Variants in DGKH observed in about 807,000 individuals in gnomAD.
DGKH encodes the protein diacylglycerol kinase eta.
DGKH carries 90 observed loss-of-function variants against 159.3 expected under a neutral mutation model. The observed-to-expected ratio is 0.57, with a 90% CI of 0.48 to 0.67. The LOEUF (loss-of-function observed/expected upper bound fraction) is 0.67. Among genes scored for constraint, DGKH ranks in the 30% least tolerant of loss-of-function variants. The probability of loss-of-function intolerance (pLI) is 0.00; values close to 1 mark genes in which losing one functional copy is unlikely to be tolerated. For synonymous variants in DGKH, 536 were observed against 553.8 expected (o/e 0.97, Z 0.45); for missense variants, 1,181 against 1,506.1 (o/e 0.78, Z 3.57).
rs145299817 is a variant in DGKH, at chr13:42,088,230, A to T, written c.193-39233A>T. Among the ~76,000 whole-genome samples the T allele has an allele frequency of 7.9e-5, 12 of 152,312 alleles. 1 individual carries two copies. The East Asian group carries it at 2.1e-3, about 27-fold the overall frequency. Reference sequence around the variant, plus strand: ...TTTTGGACAAACAAAAACTGTGAGAATTTATCACCAGGAGACCTTCACTGG... The same window carrying T: ...TTTTGGACAAACAAAAACTGTGAGATTTTATCACCAGGAGACCTTCACTGG... On this transcript the variant is annotated intron_variant, in intron 1 of 29. Transcript: ENST00000337343.
intron 14 of DGKH, among the ~76,000 whole-genome samples, 188 bp downstream of exon 14, chr13:42,187,336 GA>G (rs753914688): frequency 2.0e-5 from 3 of 152,168 alleles, no homozygotes; most frequent in Non-Finnish European, 2.9e-5. Flanking sequence ...TAATATGTAG[GA>G]AAACTGCATT....
intron 20 of DGKH, among the ~76,000 whole-genome samples, chr13:42,202,408 T>C (rs12585914): frequency 0.091 from 13,799 of 152,212 alleles, 711 homozygotes; most frequent in Middle Eastern, 0.12. Context: ...TTTTAGCTTT[T>C]TACTCTTACC....
chr13:42,174,461 A>G (rs1359414650), intron 12 of DGKH, among the ~76,000 whole-genome samples: 1 of 152,106 alleles, frequency 6.6e-6, no homozygotes, highest in East Asian at 1.9e-4. Flanking sequence ...GTAAAGCACT[A>G]TCTCTTCTCC....
rs1476540785 is a variant in DGKH at position 42,251,558 on chromosome 13, C to T, written n.4055-851C>T. ...GTATTGAGTCAAAATGAAAGGAACG[C>T]TTCCAAGCTCTCCTCTGATTTCTCA... On this transcript the variant is annotated intron_variant and non_coding_transcript_variant, in intron 29 of 30. Coordinates refer to the DGKH transcript ENST00000498255. Among the ~76,000 whole-genome samples the T allele has an allele frequency of 2.0e-5, 3 of 152,256 alleles. No homozygotes were observed. The East Asian group carries it at 5.8e-4, about 29-fold the overall frequency.
At position 42,079,158 on chromosome 13, in the gene DGKH, C is replaced by T. The variant is rs910230629; in HGVS notation, c.192+30193C>T. On this transcript the variant is annotated intron_variant, in intron 1 of 29. Coordinates refer to ENST00000337343, the MANE Select transcript of DGKH (RefSeq NM_178009.5). Reference sequence around the variant, plus strand: ...CTTGAACTACTGACCTCAGGTGATCCACCTGCCTCGGTCTCCCAAAGTGCT... The same window carrying T: ...CTTGAACTACTGACCTCAGGTGATCTACCTGCCTCGGTCTCCCAAAGTGCT... Among the ~76,000 whole-genome samples, 11 of 152,060 alleles carry T rather than the reference C, an allele frequency of 7.2e-5. No homozygotes were observed. In the East Asian group the frequency reaches 1.2e-3, roughly 16 times the overall value.
chr13:42,239,868 T>C lies in DGKH; in HGVS notation c.*10680T>C, dbSNP rs1003673292. On this transcript the variant is annotated 3_prime_UTR_variant, in exon 30 of 30. Coordinates refer to ENST00000337343, the MANE Select transcript of DGKH (RefSeq NM_178009.5). The stretch of plus-strand genomic sequence containing the variant: ...TCACCAACCTTCCCTCTGTTGACTT[T>C]TGTAATCCAGGAATTTGGAACTACT... The C allele has an allele frequency of 1.3e-5, 2 of 152,228 alleles. No homozygotes were observed. Among genetic ancestry groups the C allele is most frequent in the Admixed American group, 1.3e-4 (2 of 15,284 alleles). 9.4% of individuals were successfully genotyped at this position (152,228 alleles called of 1,614,324 possible).
chr13:42,247,229 C>CTTTTTTTTTTTTTTTTTTTTTTTT (rs71096565), downstream of DGKH, among the ~76,000 whole-genome samples: 1 of 101,430 alleles, frequency 9.9e-6, no homozygotes. Context: ...ACTATGTATA[C>CTTTTTTTTTTTTTTTTTTTTTTTT]TTTTTTTTTT....
chr13:42,116,281 A>T (rs1486474911), intron 1 of DGKH, among the ~76,000 whole-genome samples: 2 of 152,244 alleles, frequency 1.3e-5, no homozygotes, highest in African/African-American at 4.8e-5. Context: ...ATATAGGCCA[A>T]AGAAAAATTG....
rs953890600 is a variant in DGKH at position 42,168,942 on chromosome 13, C to T, written c.1367+124C>T. 8.2e-5 allele frequency: 89 copies of T among 1,079,056 alleles called. No homozygotes were observed. The African/African-American group carries it at 1.2e-3, about 14-fold the overall frequency. The allele number at this position is 1,079,056 out of a possible 1,614,324, so 66.8% of individuals were successfully genotyped here. Reference sequence around the variant, plus strand: ...ACTAGAAGCTCCACGAAGGCAGAGCCTTCCTGATCTTGTCCACTGGTTAAT... The same window carrying T: ...ACTAGAAGCTCCACGAAGGCAGAGCTTTCCTGATCTTGTCCACTGGTTAAT... On this transcript the variant is annotated intron_variant, in intron 11 of 29. Coordinates refer to ENST00000337343, the MANE Select transcript of DGKH (RefSeq NM_178009.5).
chr13:42,222,402 A>G (rs1049756727), intron 29 of DGKH, among the ~76,000 whole-genome samples: 1 of 152,218 alleles, frequency 6.6e-6, no homozygotes, highest in African/African-American at 2.4e-5. Flanking sequence ...TCTTTATTAA[A>G]CAGATTCACA....
intron 16 of DGKH, among the ~76,000 whole-genome samples, chr13:42,191,162 T>C (rs1006671588): frequency 6.6e-5 from 10 of 152,236 alleles, no homozygotes; most frequent in Admixed American, 6.5e-5. Flanking sequence ...TTTATACTTT[T>C]AATATTGTAT....
At chr13:42,101,148 A>G (rs774624016) in intron 1 of DGKH, among the ~76,000 whole-genome samples, 1 of 152,142 alleles carries the variant, frequency 6.6e-6, no homozygotes, top group African/African-American at 2.4e-5. Flanking sequence ...TCCTTCTGCA[A>G]TGCACACACC....
intron 2 of DGKH, among the ~76,000 whole-genome samples, chr13:42,129,007 G>A (rs1328634687): frequency 6.6e-6 from 1 of 152,204 alleles, no homozygotes; most frequent in Non-Finnish European, 1.5e-5. Context: ...TTTCCTACTT[G>A]CTACCTTGGA....
chr13:42,214,952 T>C (rs1957751892), intron 25 of DGKH, among the ~76,000 whole-genome samples: 1 of 152,184 alleles, frequency 6.6e-6, no homozygotes, highest in Non-Finnish European at 1.5e-5. Context: ...CAATCCTAGA[T>C]ATCATCAGCG....
At chr13:42,130,796 A>G (rs1955274425) in intron 3 of DGKH, among the ~76,000 whole-genome samples, 1 of 152,072 alleles carries the variant, frequency 6.6e-6, no homozygotes, top group African/African-American at 2.4e-5. Flanking sequence ...CATAGTGTAA[A>G]TATTCCTCCC....
At chr13:42,157,194 G>A (rs982811870) in intron 5 of DGKH, among the ~76,000 whole-genome samples, 1 of 152,062 alleles carries the variant, frequency 6.6e-6, no homozygotes, top group Non-Finnish European at 1.5e-5. Flanking sequence ...TGATTGGCCT[G>A]TATTATGACT....
chr13:42,110,673 A>T (rs542141457), intron 1 of DGKH, among the ~76,000 whole-genome samples: 1 of 152,260 alleles, frequency 6.6e-6, no homozygotes, highest in Non-Finnish European at 1.5e-5. Context: ...AGTTACGGGA[A>T]GGATTTGTGC....
In DGKH at chr13:42,237,494, T is replaced by A. The variant is rs931352342; in HGVS notation, c.*8306T>A. 8 of 152,240 alleles carry A rather than the reference T, an allele frequency of 5.3e-5. No individual in the cohort carries two copies. Among genetic ancestry groups the A allele is most frequent in the African/African-American group, 1.9e-4 (8 of 41,472 alleles). 9.4% of individuals were successfully genotyped at this position (152,240 alleles called of 1,614,324 possible). Reference sequence around the variant, plus strand: ...GGCAAAGATTTGGGAACAAATAGTTTGAACATAGATTTCTTTCACCTTATA... The same window carrying A: ...GGCAAAGATTTGGGAACAAATAGTTAGAACATAGATTTCTTTCACCTTATA... On this transcript the variant is annotated 3_prime_UTR_variant, in exon 30 of 30. Coordinates refer to ENST00000337343, the MANE Select transcript of DGKH (RefSeq NM_178009.5).
At chr13:42,136,711 T>A (rs1273921089) in intron 3 of DGKH, among the ~76,000 whole-genome samples, 1 of 152,090 alleles carries the variant, frequency 6.6e-6, no homozygotes, top group South Asian at 2.1e-4. Context: ...AGTCTGTAGG[T>A]GTGTGTGAAA....
Sources: gnomAD v4.1 joint callset for allele counts (sites outside exome capture counted in the v4.1 genomes callset) on GRCh38, gnomAD v4.1.1 for gene constraint, MANE v1.5 for transcripts, NCBI Gene and HGNC (gene_info 2026-07-23, HGNC 2026-07-21) for gene names.